The following MOB1A variants were observed in gnomAD, a reference collection of about 807,000 sequenced individuals.
MOB1A encodes the protein MOB kinase activator 1A.
A neutral mutation model predicts 25.1 loss-of-function variants in MOB1A; 10 were observed. That is an observed-to-expected ratio of 0.40 (90% confidence interval 0.25 to 0.68). MOB1A has a LOEUF of 0.68. MOB1A is among the 30% of genes least tolerant of loss of function. The pLI, the probability that MOB1A is intolerant of heterozygous loss-of-function variation, is 0.40. For synonymous variants in MOB1A, 81 were observed against 79.5 expected, an observed-to-expected ratio of 1.02 and a Z score of -0.10; for missense variants, 177 against 256.3, an observed-to-expected ratio of 0.69 and a Z score of 2.11.
intron 5 of MOB1A, among the ~76,000 whole-genome samples, chr2:74,158,180 C>CAAAAA (rs58535875): frequency 0.039 from 3,276 of 83,172 alleles, 166 homozygotes; most frequent in African/African-American, 0.13. Context: ...ACTCTGTCTC[C>CAAAAA]AAAAAAAAAA....
At chr2:74,160,973 C>T (rs755058286) in intron 4 of MOB1A, among the ~76,000 whole-genome samples, 6 of 150,664 alleles carry the variant, frequency 4.0e-5, no homozygotes, top group South Asian at 2.1e-4. Flanking sequence ...GCAGAAGAAT[C>T]GCTTGAACCC....
intron 4 of MOB1A, among the ~76,000 whole-genome samples, chr2:74,159,539 A>C (rs1692901174): frequency 6.6e-6 from 1 of 152,102 alleles, no homozygotes; most frequent in Non-Finnish European, 1.5e-5. Context: ...TGCCCGCCTC[A>C]ACCTCTTAAA....
At chr2:74,178,626 C>G (rs759093262) in intron 1 of MOB1A, 35 bp downstream of exon 1, 7 of 1,381,342 alleles carry the variant, frequency 5.1e-6, no homozygotes, top group Middle Eastern at 4.4e-4. Context: ...AACCTCGGCC[C>G]GCAGGCCCGG....
At chr2:74,168,394 G>A (rs189832267) in intron 2 of MOB1A, among the ~76,000 whole-genome samples, 44 of 152,368 alleles carry the variant, frequency 2.9e-4, no homozygotes, top group Middle Eastern at 3.4e-3. Context: ...GCTAGGTGCA[G>A]TGGCTCACGC....
At chr2:74,170,203 A>G (rs1449849007) in intron 2 of MOB1A, among the ~76,000 whole-genome samples, 2 of 151,902 alleles carry the variant, frequency 1.3e-5, no homozygotes, top group Non-Finnish European at 2.9e-5. Context: ...GTGCAGTGGC[A>G]CAACCTCAGC....
intron 3 of MOB1A, among the ~76,000 whole-genome samples, chr2:74,166,108 A>AG (rs1434610480): frequency 6.6e-6 from 1 of 151,168 alleles, no homozygotes; most frequent in Non-Finnish European, 1.5e-5. Context: ...ATTTATTATA[A>AG]GAAAAAAAAA....
intron 5 of MOB1A, among the ~76,000 whole-genome samples, chr2:74,158,196 A>AGG (rs1553444321): frequency 0.034 from 4,071 of 119,320 alleles, 226 homozygotes; most frequent in African/African-American, 0.12. Flanking sequence ...AAAAAAAAAG[A>AGG]GGGGGGAAAA....
chr2:74,171,398 C>T (rs1170417787), intron 2 of MOB1A, among the ~76,000 whole-genome samples: 1 of 152,128 alleles, frequency 6.6e-6, no homozygotes, highest in Non-Finnish European at 1.5e-5. Flanking sequence ...ATGGCATTGT[C>T]ATTATCTTTA....
At chr2:74,166,479 C>T (rs1431354866) in intron 3 of MOB1A, among the ~76,000 whole-genome samples, 3 of 152,264 alleles carry the variant, frequency 2.0e-5, no homozygotes, top group East Asian at 3.9e-4. Context: ...AACATTCAGA[C>T]TTACTATGAT....
chr2:74,162,047 C>T (rs917699327), intron 4 of MOB1A, among the ~76,000 whole-genome samples: 1 of 151,982 alleles, frequency 6.6e-6, no homozygotes, highest in Non-Finnish European at 1.5e-5. Context: ...TAATAATGTG[C>T]ATATATTAGT....
At chr2:74,169,617 G>GT (rs1250013913) in intron 2 of MOB1A, among the ~76,000 whole-genome samples, 1 of 151,370 alleles carries the variant, frequency 6.6e-6, no homozygotes, top group Non-Finnish European at 1.5e-5. Context: ...AATTTTTTTT[G>GT]TATTTTTTGT....
intron 1 of MOB1A, among the ~76,000 whole-genome samples, chr2:74,176,086 ACAC>A (rs1558840599): frequency 0.013 from 929 of 69,672 alleles, 15 homozygotes; most frequent in African/African-American, 0.022. Flanking sequence ...CCTCTACTAC[ACAC>A]ACACACACAC....
intron 4 of MOB1A, among the ~76,000 whole-genome samples, chr2:74,163,414 G>A (rs975070046): frequency 6.6e-6 from 1 of 152,100 alleles, no homozygotes; most frequent in Non-Finnish European, 1.5e-5. Flanking sequence ...AGGAAGGAGG[G>A]ATGCTTGAGC....
intron 4 of MOB1A, among the ~76,000 whole-genome samples, chr2:74,159,818 T>TTCC (rs375045263): frequency 1.0e-5 from 1 of 98,636 alleles, no homozygotes; most frequent in African/African-American, 3.9e-5. Context: ...TTGTTTTTTG[T>TTCC]CCCCCCCCCC....
chr2:74,158,869 TA>T (rs1259942159), intron 5 of MOB1A, among the ~76,000 whole-genome samples: 1 of 151,082 alleles, frequency 6.6e-6, no homozygotes, highest in Non-Finnish European at 1.5e-5. Context: ...ACCACAGACC[TA>T]GGGTGGCCAG....
Position 74,153,378 on chromosome 2 carries a change from AG to A in MOB1A, c.*3189del, listed in dbSNP as rs1453166826. Reference sequence around the variant, plus strand: ...GGAAACCACAATATTGACAAAACTTAGTACTACCACCAAGATTGTTCCTCTT... The same window carrying A: ...GGAAACCACAATATTGACAAAACTTATACTACCACCAAGATTGTTCCTCTT... On this transcript the variant is annotated 3_prime_UTR_variant, in exon 6 of 6. Coordinates refer to ENST00000396049, the MANE Select transcript of MOB1A (RefSeq NM_018221.5). The A allele has an allele frequency of 6.6e-6, 1 of 152,246 alleles. No individual in the cohort carries two copies. The highest frequency in any genetic ancestry group is 1.5e-5 in the Non-Finnish European group (1 of 68,038). The allele number at this position is 152,246 out of a possible 1,614,324, so 9.4% of individuals were successfully genotyped here. A position where few individuals can be genotyped will look rare whatever the true frequency, so the allele number is the denominator to read the frequency against.
intron 4 of MOB1A, 83 bp downstream of exon 4, chr2:74,165,135 C>T: frequency 8.8e-7 from 1 of 1,131,072 alleles, no homozygotes; most frequent in Non-Finnish European, 1.2e-6. Flanking sequence ...ACCTGGACAA[C>T]ACAGCAAACC....
chr2:74,165,236 G>A lies in MOB1A; in HGVS notation c.391C>T (p.Leu131Phe), dbSNP rs1693097233. ...WVQDQLDDET[L>F]FPSKIGVPFP... Reference sequence around the variant, plus strand: ...AACTCACCAATCTTAGAAGGAAAAAGAGTTTCATCATCAAGCTGATCTTGA... The same window carrying A: ...AACTCACCAATCTTAGAAGGAAAAAAAGTTTCATCATCAAGCTGATCTTGA... Residue 131 changes from leucine (L) to phenylalanine (F), a missense_variant, in exon 4 of 6, where the codon CTT becomes TTT. By Grantham distance (22) the Leu-to-Phe change is conservative. Transcript: ENST00000396049. The A allele has an allele frequency of 6.5e-7, 1 of 1,546,630 alleles. No individual in the cohort carries two copies. The highest frequency in any genetic ancestry group is 2.0e-5 in the Admixed American group (1 of 50,802).
chr2:74,174,286 GAAAAGAAAAGAA>G (rs1693389459), intron 1 of MOB1A, among the ~76,000 whole-genome samples: 1 of 129,144 alleles, frequency 7.7e-6, no homozygotes, highest in South Asian at 2.4e-4. Context: ...AAAAAAAAAA[GAAAAGAAAAGAA>G]AAAAGAAAAT....
Sources: gnomAD v4.1 joint callset for allele counts (sites outside exome capture counted in the v4.1 genomes callset) on GRCh38, gnomAD v4.1.1 for gene constraint, MANE v1.5 for transcripts, NCBI Gene and HGNC (gene_info 2026-07-23, HGNC 2026-07-21) for gene names.